Variants in HMCN1 observed in about 807,000 individuals in gnomAD.
The protein encoded by HMCN1 is hemicentin-1.
HMCN1 carries 321 observed loss-of-function variants against 625.9 expected under a neutral mutation model. The observed-to-expected ratio is 0.51, with a 90% confidence interval of 0.47 to 0.56. The LOEUF (loss-of-function observed/expected upper bound fraction) is 0.56. Ranked by LOEUF, HMCN1 falls within the 20% of genes least tolerant of loss-of-function variation. The probability of loss-of-function intolerance (pLI) is 0.00; values close to 1 mark genes in which losing one functional copy is unlikely to be tolerated. For synonymous variants in HMCN1, 2,425 were observed against 2,417.6 expected (o/e 1.00, Z -0.09); for missense variants, 6,588 against 6,887.3 (o/e 0.96, Z 1.54).
At chr1:186,126,176 A>G (rs1661633671) in intron 82 of HMCN1, among the ~76,000 whole-genome samples, 1 of 152,088 alleles carries the variant, frequency 6.6e-6, no homozygotes, top group Non-Finnish European at 1.5e-5. Flanking sequence ...AAAAATGTTA[A>G]ACTTTTTTAA....
At chr1:185,774,368 C>G (rs1240152501) in intron 1 of HMCN1, among the ~76,000 whole-genome samples, 1 of 152,146 alleles carries the variant, frequency 6.6e-6, no homozygotes, top group Non-Finnish European at 1.5e-5. Flanking sequence ...ACCAGTTTAT[C>G]TACTACAGGA....
At chr1:185,857,610 G>A (rs150518418) in intron 2 of HMCN1, among the ~76,000 whole-genome samples, 1 of 152,018 alleles carries the variant, frequency 6.6e-6, no homozygotes, top group Non-Finnish European at 1.5e-5. Context: ...AAACATAGGG[G>A]GAGTTAGCTT....
Position 186,001,331 on chromosome 1 carries a change from C to A in HMCN1, c.4103C>A (p.Thr1368Lys). Residue 1368 changes from threonine to lysine, a missense_variant, in exon 27 of 107, where the codon ACA (threonine) becomes AAA (lysine). By Grantham distance (78) the Thr-to-Lys change is moderately conservative (BLOSUM62 -1). This residue lies in a region of HMCN1 where 4,628 missense variants were observed against 4,853.1 expected (regional missense o/e 0.95). Coordinates refer to ENST00000271588, the MANE Select transcript of HMCN1 (RefSeq NM_031935.3). ...GTAATTAAAGATAAAGAACAAGTTA[C>A]AAATGTGTCGGTGTTGTTAAATCAG... ...PPVIKDKEQV[T>K]NVSVLLNQLT... The A allele has an allele frequency of 1.2e-6, 2 of 1,611,986 alleles. No individual in the cohort carries two copies. Among genetic ancestry groups the A allele is most frequent in the Non-Finnish European group, 8.5e-7 (1 of 1,178,498 alleles).
At chr1:186,185,367 A>G (rs1158973387) in intron 105 of HMCN1, among the ~76,000 whole-genome samples, 1 of 152,204 alleles carries the variant, frequency 6.6e-6, no homozygotes, top group African/African-American at 2.4e-5. Flanking sequence ...TTTTTCTAGA[A>G]GGCTTTTCAA....
At chr1:186,144,412 A>G (rs983591508) in intron 90 of HMCN1, 69 bp downstream of exon 90, 16 of 1,599,874 alleles carry the variant, frequency 1.0e-5, no homozygotes, top group Admixed American at 5.0e-5. Context: ...TAGTATGTCA[A>G]CAAGAATCTA....
At chr1:186,136,523 A>G in intron 86 of HMCN1, 145 bp from the exon 87 acceptor site, 1 of 732,956 alleles carries the variant, frequency 1.4e-6, no homozygotes, top group Non-Finnish European at 2.3e-6. Flanking sequence ...AATGGCAATT[A>G]TAATCTATAA....
chr1:185,987,411 A>G, intron 19 of HMCN1, 21 bp from the exon 20 acceptor site: 1 of 1,508,020 alleles, frequency 6.6e-7, no homozygotes, highest in East Asian at 2.3e-5. Flanking sequence ...CTCAGATTCC[A>G]AATCCTACTT....
chr1:186,093,983 A>T (rs139016658), intron 66 of HMCN1, among the ~76,000 whole-genome samples: 226 of 152,226 alleles, frequency 1.5e-3, no homozygotes, highest in African/African-American at 5.2e-3. Context: ...GAAGATGCCT[A>T]CTATGATAAT....
chr1:186,014,823 G>T (rs1216202435), intron 30 of HMCN1, among the ~76,000 whole-genome samples: 1 of 152,112 alleles, frequency 6.6e-6, no homozygotes, highest in Non-Finnish European at 1.5e-5. Flanking sequence ...GGCCTGATTT[G>T]AAACTTGCTG....
At chr1:185,831,438 C>T (rs75928194) in intron 1 of HMCN1, among the ~76,000 whole-genome samples, 4,887 of 152,220 alleles carry the variant, frequency 0.032, 235 homozygotes, top group African/African-American at 0.11. Flanking sequence ...AATCCAGTAT[C>T]ATCCTTAGCG....
At chr1:186,184,497 G>A (rs1396931832) in intron 105 of HMCN1, among the ~76,000 whole-genome samples, 1 of 152,104 alleles carries the variant, frequency 6.6e-6, no homozygotes, top group Non-Finnish European at 1.5e-5. Flanking sequence ...ATCAAGAATT[G>A]CCTAAGACAC....
chr1:185,860,764 G>C (rs1662820750), intron 2 of HMCN1, among the ~76,000 whole-genome samples: 1 of 151,918 alleles, frequency 6.6e-6, no homozygotes, highest in African/African-American at 2.4e-5. Context: ...TTCTCTGTGG[G>C]GTTTTAGTTG....
intron 60 of HMCN1, 130 bp from the exon 61 acceptor site, chr1:186,087,802 A>G: frequency 1.8e-6 from 2 of 1,136,152 alleles, no homozygotes; most frequent in South Asian, 1.3e-5. Context: ...AAAAATAGCA[A>G]GATTGCAGAA....
At chr1:185,970,272 A>G (rs1650717904) in intron 14 of HMCN1, 63 bp from the exon 15 acceptor site, 2 of 1,461,308 alleles carry the variant, frequency 1.4e-6, no homozygotes, top group African/African-American at 2.8e-5. Context: ...AAATTAAACC[A>G]ATAGCTGCAT....
At chr1:186,163,313 C>T (rs1382894804) in intron 97 of HMCN1, among the ~76,000 whole-genome samples, 1 of 152,136 alleles carries the variant, frequency 6.6e-6, no homozygotes, top group Non-Finnish European at 1.5e-5. Context: ...CATCAGTTAC[C>T]CCTTTGTTTG....
intron 55 of HMCN1, among the ~76,000 whole-genome samples, chr1:186,079,555 C>A (rs566732991): frequency 6.6e-4 from 100 of 152,206 alleles, no homozygotes; most frequent in Non-Finnish European, 1.3e-3. Context: ...ATCAATCCCA[C>A]TGAGTCATGC....
At chr1:186,158,728 CA>C in intron 97 of HMCN1, among the ~76,000 whole-genome samples, 1 of 152,142 alleles carries the variant, frequency 6.6e-6, no homozygotes, top group East Asian at 1.9e-4. Context: ...GGAGGTTTGT[CA>C]AAGATCAGAT....
intron 53 of HMCN1, among the ~76,000 whole-genome samples, chr1:186,076,072 G>A (rs1234165414): frequency 6.6e-6 from 1 of 152,132 alleles, no homozygotes; most frequent in Non-Finnish European, 1.5e-5. Flanking sequence ...AATTGAACCA[G>A]TATTTTTTAA....
At position 186,110,977 on chromosome 1, in the gene HMCN1, CTTTTTT is replaced by C. The variant is rs557887846; in HGVS notation, c.10990-1819_10990-1814del. Among the ~76,000 whole-genome samples, 21 of 61,636 alleles carry C rather than the reference CTTTTTT, an allele frequency of 3.4e-4. 2 individuals are homozygous for C. Among genetic ancestry groups the C allele is most frequent in the Admixed American group, 2.4e-3 (12 of 4,916 alleles). The allele number at this position is 61,636 out of a possible 152,430, so 40.4% of individuals were successfully genotyped here. On this transcript the variant is annotated intron_variant, in intron 71 of 106. Transcript: ENST00000271588. Reference sequence around the variant, plus strand: ...TACGGAAGAAAAACCAGAGAAAATTCTTTTTTTTTTTTTTTTTTTTTGAGACGGAGT... The same window carrying C: ...TACGGAAGAAAAACCAGAGAAAATTCTTTTTTTTTTTTTTTGAGACGGAGT...
Sources: gnomAD v4.1 joint callset for allele counts (sites outside exome capture counted in the v4.1 genomes callset) on GRCh38, gnomAD v4.1.1 for gene constraint, gnomAD v4.1.1 regional missense constraint, MANE v1.5 for transcripts, NCBI Gene and HGNC (gene_info 2026-07-23, HGNC 2026-07-21) for gene names.